The following BTBD16 variants were observed in gnomAD, a reference collection of about 807,000 sequenced individuals.
BTBD16 encodes the protein BTB/POZ domain-containing protein 16.
A neutral mutation model predicts 67.4 loss-of-function variants in BTBD16; 66 were observed. That is an observed-to-expected ratio of 0.98 (90% CI 0.80 to 1.20). BTBD16 has a LOEUF of 1.20. BTBD16 is among the 50% of genes most tolerant of loss of function. The probability of loss-of-function intolerance (pLI) is 0.00; values close to 1 mark genes in which losing one functional copy is unlikely to be tolerated. For missense variants in BTBD16, 634 were observed against 616.0 expected (o/e 1.03, Z -0.31); for synonymous variants, 242 against 236.4 (o/e 1.02, Z -0.22).
chr10:122,322,937 T>A (rs2096438088), intron 10 of BTBD16, among the ~76,000 whole-genome samples: 1 of 152,202 alleles, frequency 6.6e-6, no homozygotes, highest in Non-Finnish European at 1.5e-5. Context: ...ATTGGGATTA[T>A]CTGTTCCTAA....
chr10:122,291,989 A>C (rs1421849951), intron 7 of BTBD16, among the ~76,000 whole-genome samples: 2 of 152,184 alleles, frequency 1.3e-5, no homozygotes, highest in African/African-American at 4.8e-5. Flanking sequence ...TGGATGCAGA[A>C]ATCATGAGCA....
At chr10:122,336,712 T>G (rs538519175) in intron 15 of BTBD16, 30 bp downstream of exon 15, 1 of 1,539,504 alleles carries the variant, frequency 6.5e-7, no homozygotes, top group South Asian at 1.3e-5. Context: ...TTTCCTTTAT[T>G]TCCTTTTTGC....
chr10:122,308,414 C>G (rs964834106), intron 10 of BTBD16, among the ~76,000 whole-genome samples: 2 of 152,220 alleles, frequency 1.3e-5, no homozygotes, highest in Admixed American at 6.5e-5. Context: ...CCAGACCTCA[C>G]ATCGCCATGC....
intron 14 of BTBD16, 145 bp from the exon 15 acceptor site, chr10:122,336,349 T>C (rs1025422861): frequency 1.5e-5 from 10 of 667,228 alleles, no homozygotes; most frequent in Admixed American, 4.0e-5. Context: ...CAGCAGCAAC[T>C]TTTAGGAGAT....
chr10:122,314,174 T>C (rs2096419651), intron 10 of BTBD16, among the ~76,000 whole-genome samples: 1 of 152,186 alleles, frequency 6.6e-6, no homozygotes, highest in South Asian at 2.1e-4. Flanking sequence ...CTCTTTAGAA[T>C]ACTGAGATTT....
At chr10:122,277,156 A>ATT (rs34246262) in intron 3 of BTBD16, among the ~76,000 whole-genome samples, 3 of 134,304 alleles carry the variant, frequency 2.2e-5, no homozygotes, top group African/African-American at 6.8e-5. Flanking sequence ...GAAAGATTGA[A>ATT]TTTTTTTTTT....
intron 8 of BTBD16, among the ~76,000 whole-genome samples, chr10:122,298,308 T>C (rs1023196007): frequency 1.3e-5 from 2 of 152,178 alleles, no homozygotes; most frequent in African/African-American, 4.8e-5. Flanking sequence ...TCTCTCTGTA[T>C]GGCCACCAGT....
intron 7 of BTBD16, among the ~76,000 whole-genome samples, chr10:122,296,512 G>A (rs1483668557): frequency 6.6e-6 from 1 of 152,200 alleles, no homozygotes; most frequent in Non-Finnish European, 1.5e-5. Flanking sequence ...TTAAGGTTGT[G>A]CTTCCGTATG....
chr10:122,334,954 C>G lies in BTBD16; in HGVS notation c.1238C>G (p.Thr413Ser). The change falls in exon 14 of 16, where the codon ACT becomes AGT. Residue 413 changes from threonine (T) to serine (S), a missense_variant. Thr to Ser is a moderately conservative substitution (Grantham distance 58, BLOSUM62 1). Transcript: ENST00000260723. ...AAGATAAAGGGACTCAAACATGATA[C>G]TACCTCTTATAGTTTTTACATGCAG... ...FFKIKGLKHD[T>S]TSYSFYMQRI... 1.9e-6 allele frequency: 3 copies of G among 1,548,356 alleles called. No homozygotes were observed. Among genetic ancestry groups the G allele is most frequent in the Non-Finnish European group, 2.7e-6 (3 of 1,123,860 alleles).
intron 7 of BTBD16, chr10:122,294,288 G>A (rs528222043): frequency 2.0e-5 from 18 of 894,480 alleles, no homozygotes; most frequent in East Asian, 2.4e-4. Flanking sequence ...GCATCACAAC[G>A]TTCAGGTGCT....
At chr10:122,281,695 C>T (rs1174235828) in intron 3 of BTBD16, among the ~76,000 whole-genome samples, 1 of 152,236 alleles carries the variant, frequency 6.6e-6, no homozygotes, top group Non-Finnish European at 1.5e-5. Context: ...TTCACTCCTC[C>T]CTTCCTCTGG....
At chr10:122,332,707 C>A (rs764917581) in intron 13 of BTBD16, 194 bp downstream of exon 13, 2 of 693,778 alleles carry the variant, frequency 2.9e-6, no homozygotes, top group African/African-American at 2.0e-5. Flanking sequence ...GGGCCTGGGG[C>A]GGGCCATTTA....
intron 7 of BTBD16, among the ~76,000 whole-genome samples, chr10:122,292,712 G>GGACC (rs1564972005): frequency 1.3e-5 from 2 of 152,218 alleles, no homozygotes; most frequent in Admixed American, 1.3e-4. Flanking sequence ...AGACAGTGAG[G>GGACC]GACCAGATGG....
intron 3 of BTBD16, among the ~76,000 whole-genome samples, chr10:122,282,710 T>A (rs1396762321): frequency 6.6e-6 from 1 of 152,236 alleles, no homozygotes; most frequent in African/African-American, 2.4e-5. Context: ...ACCTGCATGA[T>A]GGCTTGTGCC....
At chr10:122,279,524 A>ACACACACACACACG (rs1224452499) in intron 3 of BTBD16, among the ~76,000 whole-genome samples, 2 of 151,630 alleles carry the variant, frequency 1.3e-5, no homozygotes, top group East Asian at 3.9e-4. Context: ...ACACACACAC[A>ACACACACACACACG]CACACACACA....
In BTBD16 at chr10:122,332,424, T is replaced by C; in HGVS notation, c.1087-12T>C. ...ATCCCACCGTGGTCAGCTGTGTGCA[T>C]TTTCCTTTCAGCTGGAGAATGGGGG... On this transcript the variant is annotated splice_polypyrimidine_tract_variant and intron_variant, in intron 12 of 15. Transcript: ENST00000260723. 6.2e-7 allele frequency: 1 copy of C among 1,613,152 alleles called. No homozygotes were observed. Among genetic ancestry groups the C allele is most frequent in the Non-Finnish European group, 8.5e-7 (1 of 1,179,524 alleles).
At position 122,275,208 on chromosome 10, in the gene BTBD16, A is replaced by G. The variant is rs909958275; in HGVS notation, c.18+109A>G. The G allele has an allele frequency of 9.3e-6, 10 of 1,080,468 alleles. No individual in the cohort carries two copies. The African/African-American group carries it at 1.6e-4, about 17-fold the overall frequency. 66.9% of individuals were successfully genotyped at this position (1,080,468 alleles called of 1,614,324 possible). On this transcript the variant is annotated intron_variant, in intron 2 of 15. Coordinates refer to ENST00000260723, the MANE Select transcript of BTBD16 (RefSeq NM_144587.5). ...TGGGTTCTGCACCACCGAGGACCTC[A>G]AGCATTATTGGCTGACTCGGCTGGA...
chr10:122,285,192 G>C (rs1328285480), intron 4 of BTBD16, among the ~76,000 whole-genome samples: 5 of 152,092 alleles, frequency 3.3e-5, no homozygotes, highest in Admixed American at 6.5e-5. Flanking sequence ...TCAGATTGAG[G>C]GTTCTAGGCA....
At position 122,336,528 on chromosome 10, in the gene BTBD16, C is replaced by A. The variant is rs139618575; in HGVS notation, c.1298C>A (p.Ala433Glu). The change falls in exon 15 of 16, where the codon GCG (alanine) becomes GAG (glutamate). Residue 433 changes from alanine to glutamate, a missense_variant. By Grantham distance (107) the Ala-to-Glu change is moderately radical. Transcript: ENST00000260723. ...IKHTDLESPS[A>E]VYEHNHVSLR... Reference sequence around the variant, plus strand: ...CACACAGACCTGGAATCTCCCTCTGCGGTCTACGAGCACAACCACGTCAGC... The same window carrying A: ...CACACAGACCTGGAATCTCCCTCTGAGGTCTACGAGCACAACCACGTCAGC... 6.2e-7 allele frequency: 1 copy of A among 1,611,112 alleles called. No individual in the cohort carries two copies. The highest frequency in any genetic ancestry group is 1.1e-5 in the South Asian group (1 of 90,730).
Sources: gnomAD v4.1 joint callset for allele counts (sites outside exome capture counted in the v4.1 genomes callset) on GRCh38, gnomAD v4.1.1 for gene constraint, MANE v1.5 for transcripts, NCBI Gene and HGNC (gene_info 2026-07-23, HGNC 2026-07-21) for gene names.